The following FAM78B variants were observed in gnomAD, a reference collection of about 807,000 sequenced individuals.
FAM78B encodes the protein family with sequence similarity 78 member B, also known as protein FAM78B.
Under a neutral mutation model 20.0 loss-of-function variants are expected in FAM78B, and 10 were observed. The ratio of observed to expected loss-of-function variants is 0.50; its 90% CI spans 0.31 to 0.85. FAM78B has a LOEUF of 0.85. Ranked by LOEUF, FAM78B falls within the 40% of genes least tolerant of loss-of-function variation. The pLI is 0.05. For missense variants in FAM78B, 283 were observed against 345.0 expected, an observed-to-expected ratio of 0.82 and a Z score of 1.42; for synonymous variants, 135 against 132.8, an observed-to-expected ratio of 1.02 and a Z score of -0.12.
chr1:166,097,575 G>A (rs1653335983), intron 1 of FAM78B, among the ~76,000 whole-genome samples: 1 of 152,146 alleles, frequency 6.6e-6, no homozygotes, highest in Admixed American at 6.5e-5. Context: ...AGCCCTTTGG[G>A]TTGCGTGGGA....
At chr1:166,073,781 C>G (rs144904872) in intron 1 of FAM78B, among the ~76,000 whole-genome samples, 82 of 152,284 alleles carry the variant, frequency 5.4e-4, no homozygotes, top group African/African-American at 1.9e-3. Flanking sequence ...AAGCCGTCTT[C>G]CCCTGTCTCT....
intron 1 of FAM78B, among the ~76,000 whole-genome samples, chr1:166,095,587 C>A (rs1401072569): frequency 2.6e-5 from 4 of 152,122 alleles, no homozygotes; most frequent in Non-Finnish European, 4.4e-5. Flanking sequence ...AGCGTTATGG[C>A]CAGCCCCTCC....
At position 166,166,161 on chromosome 1, in the gene FAM78B, A is replaced by T; in HGVS notation, c.88T>A (p.Cys30Ser). 6.2e-7 allele frequency: 1 copy of T among 1,604,576 alleles called. No homozygotes were observed. Among genetic ancestry groups the T allele is most frequent in the Non-Finnish European group, 8.5e-7 (1 of 1,175,530 alleles). The change falls in exon 1 of 2, where the codon TGC becomes AGC. Residue 30 changes from cysteine to serine, a missense_variant. Physicochemically the swap from Cys to Ser is moderately radical, Grantham distance 112. Coordinates refer to ENST00000354422, the MANE Select transcript of FAM78B (RefSeq NM_001017961.5). ...GAGGTCTCCTCGATGCGCGTGGGGC[A>T]CTGGTCGATGGTGGCGCACACATCG... ...VYDVCATIDQ[C>S]PTRIEETSPI... is the part of the protein sequence containing the mutation.
intron 1 of FAM78B, among the ~76,000 whole-genome samples, chr1:166,124,506 A>T (rs1654572847): frequency 6.6e-6 from 1 of 152,224 alleles, no homozygotes; most frequent in South Asian, 2.1e-4. Context: ...AGCTTGCTTT[A>T]TTGAAGCAAG....
At position 166,070,513 on chromosome 1, in the gene FAM78B, A is replaced by T; in HGVS notation, c.514T>A (p.Trp172Arg). 1 of 1,614,172 alleles carries T rather than the reference A, an allele frequency of 6.2e-7. No homozygotes were observed. Among genetic ancestry groups the T allele is most frequent in the Non-Finnish European group, 8.5e-7 (1 of 1,180,012 alleles). ...GTGGTGGTGTTCATGGCCACCAGCCAGGTCGTGAAACTTTGGTCTCTCTTG... is the reference window on the plus strand; with the variant it reads ...GTGGTGGTGTTCATGGCCACCAGCCTGGTCGTGAAACTTTGGTCTCTCTTG... Reference protein sequence around the residue: ...RIKRDQSFTTWLVAMNTTTKE... With the variant: ...RIKRDQSFTTRLVAMNTTTKE... Residue 172 changes from tryptophan to arginine, a missense_variant, in exon 2 of 2, where the codon TGG becomes AGG. Trp to Arg is a moderately radical substitution (Grantham distance 101). Transcript: ENST00000354422.
chr1:166,095,831 G>T (rs758798468), intron 1 of FAM78B, among the ~76,000 whole-genome samples: 1 of 152,280 alleles, frequency 6.6e-6, no homozygotes, highest in South Asian at 2.1e-4. Flanking sequence ...TGACGAGTAG[G>T]GGGGCAACAC....
intron 1 of FAM78B, among the ~76,000 whole-genome samples, chr1:166,073,830 T>C (rs1447281567): frequency 6.6e-6 from 1 of 152,134 alleles, no homozygotes; most frequent in East Asian, 1.9e-4. Context: ...ATCTTCAAGG[T>C]CAGAAGTAAG....
chr1:166,098,808 A>G (rs1463140678), intron 1 of FAM78B, among the ~76,000 whole-genome samples: 1 of 152,178 alleles, frequency 6.6e-6, no homozygotes, highest in East Asian at 1.9e-4. Context: ...AAAGCTTGGA[A>G]AACATATTTG....
chr1:166,096,482 A>G (rs548302928), intron 1 of FAM78B, among the ~76,000 whole-genome samples: 1 of 152,056 alleles, frequency 6.6e-6, no homozygotes, highest in Admixed American at 6.6e-5. Flanking sequence ...ATGGTTGGTC[A>G]GTGGTAGCAT....
intron 1 of FAM78B, among the ~76,000 whole-genome samples, chr1:166,112,695 A>T (rs1214610450): frequency 6.6e-6 from 1 of 152,162 alleles, no homozygotes. Context: ...CTCTCAAACC[A>T]ATAACAGATG....
At chr1:166,091,769 C>T (rs1483424597) in intron 1 of FAM78B, among the ~76,000 whole-genome samples, 1 of 152,144 alleles carries the variant, frequency 6.6e-6, no homozygotes, top group African/African-American at 2.4e-5. Context: ...AAAACAATCC[C>T]CACATAAATG....
At chr1:166,162,186 G>A (rs944728309) in intron 1 of FAM78B, among the ~76,000 whole-genome samples, 5 of 152,210 alleles carry the variant, frequency 3.3e-5, no homozygotes, top group African/African-American at 7.2e-5. Context: ...AACTTAGCAA[G>A]AGCAGTTTCA....
chr1:166,164,898 A>AT, intron 1 of FAM78B: 1 of 152,380 alleles, frequency 6.6e-6, no homozygotes, highest in South Asian at 2.1e-4. Context: ...CTAGACCTAC[A>AT]TTGTAACAGC....
chr1:166,142,824 A>G (rs908146565), intron 1 of FAM78B, among the ~76,000 whole-genome samples: 1 of 152,182 alleles, frequency 6.6e-6, no homozygotes, highest in Non-Finnish European at 1.5e-5. Flanking sequence ...TAGAAGGATG[A>G]ATGGGTTGAA....
chr1:166,148,521 AATGAG>A (rs1232061114), intron 1 of FAM78B, among the ~76,000 whole-genome samples: 1 of 152,240 alleles, frequency 6.6e-6, no homozygotes, highest in Non-Finnish European at 1.5e-5. Context: ...ATAAGTGTTA[AATGAG>A]ATATCATTTG....
chr1:166,067,047 A>C (rs1557886357), downstream of FAM78B, among the ~76,000 whole-genome samples: 1 of 152,220 alleles, frequency 6.6e-6, no homozygotes, highest in African/African-American at 2.4e-5. Context: ...AATAGTAACA[A>C]GGATTTCCTC....
chr1:166,136,424 C>T (rs78980807), intron 1 of FAM78B, among the ~76,000 whole-genome samples: 220 of 152,202 alleles, frequency 1.4e-3, no homozygotes, highest in African/African-American at 4.7e-3. Context: ...CCCCCATGAG[C>T]GGATCAGTGA....
downstream of FAM78B, among the ~76,000 whole-genome samples, chr1:166,056,851 C>G (rs1388951468): frequency 6.6e-6 from 1 of 152,152 alleles, no homozygotes; most frequent in Non-Finnish European, 1.5e-5. Context: ...GTATCCCCCA[C>G]AAATTCATGT....
intron 2 of FAM78B, among the ~76,000 whole-genome samples, chr1:166,062,819 A>G (rs1477700981): frequency 6.6e-6 from 1 of 152,022 alleles, no homozygotes; most frequent in Non-Finnish European, 1.5e-5. Context: ...CTTTCCTGTT[A>G]TTTTTCCAAT....
Sources: allele counts gnomAD v4.1 joint callset (sites outside exome capture counted in the v4.1 genomes callset), GRCh38; gene constraint gnomAD v4.1.1; transcripts MANE v1.5; gene names NCBI Gene and HGNC (gene_info 2026-07-23, HGNC 2026-07-21).